The following MACO1 variants were observed in gnomAD, a reference collection of about 807,000 sequenced individuals.
MACO1 encodes macoilin.
Under a neutral mutation model 78.7 loss-of-function variants are expected in MACO1, and 14 were observed. The ratio of observed to expected loss-of-function variants is 0.18; its 90% CI spans 0.12 to 0.28. The LOEUF (loss-of-function observed/expected upper bound fraction) is 0.28, where lower values mean the gene tolerates loss of function less well. Ranked by LOEUF, MACO1 falls within the 10% of genes least tolerant of loss-of-function variation. The pLI is 1.00. For synonymous variants in MACO1, 288 were observed against 291.6 expected (o/e 0.99, Z 0.12); for missense variants, 501 against 799.0 (o/e 0.63, Z 4.50).
rs1557675373 is a variant in MACO1 at position 25,485,626 on chromosome 1, G to A, written c.1327G>A (p.Val443Met). The A allele has an allele frequency of 3.7e-6, 6 of 1,613,888 alleles. No homozygotes were observed. Among genetic ancestry groups the A allele is most frequent in the Non-Finnish European group, 4.2e-6 (5 of 1,179,974 alleles). The change falls in exon 8 of 11, where the codon GTG (valine) becomes ATG (methionine). Residue 443 changes from valine to methionine, a missense_variant. Transcript: ENST00000374343. The surrounding 1 kb of genome is among the most constrained non-coding windows in gnomAD (Gnocchi z 4.3). ...ELLQNKLHNAVQMKQKDKQNI... is the reference protein window; with the variant it reads ...ELLQNKLHNAMQMKQKDKQNI... ...ATTTCCATATAGGTTACATAATGCT[G>A]TGCAAATGAAGCAAAAAGACAAGCA... is the stretch of plus-strand genomic sequence containing the variant.
At chr1:25,494,365 T>C (rs1168666103) in intron 10 of MACO1, among the ~76,000 whole-genome samples, 1 of 151,994 alleles carries the variant, frequency 6.6e-6, no homozygotes, top group Non-Finnish European at 1.5e-5. Context: ...GGGAAAAACA[T>C]GTTGCCTGAG....
chr1:25,488,581 C>T (rs1444854568), intron 8 of MACO1, among the ~76,000 whole-genome samples: 3 of 151,922 alleles, frequency 2.0e-5, no homozygotes, highest in African/African-American at 7.3e-5. Flanking sequence ...GCAGCCTCTG[C>T]CTCCCAGGTA....
chr1:25,449,190 T>A (rs186433050), intron 3 of MACO1, among the ~76,000 whole-genome samples: 224 of 151,006 alleles, frequency 1.5e-3, no homozygotes, highest in African/African-American at 4.9e-3. Flanking sequence ...TATATCTTTT[T>A]AAAAAAAAAA....
At chr1:25,496,712 A>G (rs1407079050) in intron 10 of MACO1, among the ~76,000 whole-genome samples, 1 of 151,326 alleles carries the variant, frequency 6.6e-6, no homozygotes, top group Non-Finnish European at 1.5e-5. Context: ...AAAAAAAAAA[A>G]GGGTAGACAC....
At chr1:25,450,946 A>T (rs2043059793) in intron 3 of MACO1, among the ~76,000 whole-genome samples, 1 of 152,186 alleles carries the variant, frequency 6.6e-6, no homozygotes, top group South Asian at 2.1e-4. Flanking sequence ...GATTTCTTAA[A>T]TTTCTTTAGT....
rs2043203966 is a variant in MACO1, at chr1:25,464,858, A to G, written c.1154+5966A>G. Among the ~76,000 whole-genome samples the G allele has an allele frequency of 2.0e-5, 3 of 151,244 alleles. No individual in the cohort carries two copies. The South Asian group carries it at 6.3e-4, about 32-fold the overall frequency. On this transcript the variant is annotated intron_variant, in intron 6 of 10. Transcript: ENST00000374343. The stretch of plus-strand genomic sequence containing the variant: ...TTTTTAGTAGAGACGGTTTTTTAGT[A>G]GAGATGGGGTTTCACCATGTTAACC...
At chr1:25,457,464 A>C (rs746026244) in intron 5 of MACO1, among the ~76,000 whole-genome samples, 1 of 152,186 alleles carries the variant, frequency 6.6e-6, no homozygotes, top group African/African-American at 2.4e-5. Context: ...CTATGGAACT[A>C]TGTGAACTGG....
chr1:25,493,657 G>GA (rs1425188897), intron 10 of MACO1, among the ~76,000 whole-genome samples: 9 of 149,108 alleles, frequency 6.0e-5, no homozygotes, highest in African/African-American at 2.0e-4. Context: ...AAAAATTCCT[G>GA]AAAAAAGTGG....
intron 6 of MACO1, among the ~76,000 whole-genome samples, chr1:25,463,515 C>T (rs919445166): frequency 6.6e-6 from 1 of 152,132 alleles, no homozygotes; most frequent in Non-Finnish European, 1.5e-5. Flanking sequence ...TAAAAACAGA[C>T]TTAATGTTGG....
chr1:25,474,490 C>T (rs183511144), intron 6 of MACO1, among the ~76,000 whole-genome samples: 81 of 152,128 alleles, frequency 5.3e-4, no homozygotes, highest in Non-Finnish European at 1.1e-3. Context: ...TTTGCTTTTT[C>T]TTCTTCAGTC....
In MACO1 at chr1:25,470,912, C is replaced by T. The variant is rs181225236; in HGVS notation, c.1154+12020C>T. 2.0e-3 allele frequency among the ~76,000 whole-genome samples: 298 copies of T among 152,146 alleles called. 2 individuals carry two copies. Among genetic ancestry groups the T allele is most frequent in the African/African-American group, 6.9e-3 (287 of 41,482 alleles). ...GCGTGGTGGCATGTGCCTGTAGTCC[C>T]AGCTACTCAGGAGGCTGAGGCACGA... On this transcript the variant is annotated intron_variant, in intron 6 of 10. Transcript: ENST00000374343.
chr1:25,447,737 AC>A (rs2043028699), intron 2 of MACO1, among the ~76,000 whole-genome samples: 1 of 152,184 alleles, frequency 6.6e-6, no homozygotes, highest in African/African-American at 2.4e-5. Flanking sequence ...AATAGTTTTA[AC>A]CTCAAAGAGC....
intron 2 of MACO1, among the ~76,000 whole-genome samples, chr1:25,447,149 C>T (rs2043023123): frequency 6.6e-6 from 1 of 152,048 alleles, no homozygotes; most frequent in African/African-American, 2.4e-5. Context: ...GGGCGGCAAC[C>T]TAGTCTGGGG....
intron 4 of MACO1, among the ~76,000 whole-genome samples, 154 bp downstream of exon 4, chr1:25,454,536 T>C (rs2043102416): frequency 1.4e-5 from 2 of 146,770 alleles, no homozygotes; most frequent in Admixed American, 6.9e-5. Context: ...CAGGCTGGAA[T>C]GCAGTGGCAC....
rs1302890427 is a variant in MACO1, at chr1:25,499,366, G to A, written c.*900G>A. ...GTTTTGCACTTGCCTCCAGTAAAGT[G>A]CCCTGGGAAGGGAGCTGGGCAGTGT... On this transcript the variant is annotated 3_prime_UTR_variant, in exon 11 of 11. Coordinates refer to ENST00000374343, the MANE Select transcript of MACO1 (RefSeq NM_018202.6). 3 of 151,786 alleles carry A rather than the reference G, an allele frequency of 2.0e-5. No homozygotes were observed. Among genetic ancestry groups the A allele is most frequent in the South Asian group, 4.2e-4 (2 of 4,804 alleles). The allele number at this position is 151,786 out of a possible 1,614,324, so 9.4% of individuals were successfully genotyped here.
chr1:25,475,068 G>A (rs924185899), intron 6 of MACO1, among the ~76,000 whole-genome samples: 14 of 152,198 alleles, frequency 9.2e-5, no homozygotes, highest in African/African-American at 1.9e-4. Context: ...ATTCTCGGCC[G>A]GGCACTTGGC....
Position 25,431,136 on chromosome 1 carries a change from G to A in MACO1, c.38G>A (p.Arg13His). ...AACGCCGACTGCAGTAAGCTCCGCC[G>A]CCCCCTAAAGCGGAACCGGATCACC... ...RRNADCSKLR[R>H]PLKRNRITEG... Residue 13 changes from arginine to histidine, a missense_variant, in exon 1 of 11, where the codon CGC (arginine) becomes CAC (histidine). By Grantham distance (29) the Arg-to-His change is conservative. Coordinates refer to ENST00000374343, the MANE Select transcript of MACO1 (RefSeq NM_018202.6). The A allele has an allele frequency of 6.3e-7, 1 of 1,597,858 alleles. No homozygotes were observed. Among genetic ancestry groups the A allele is most frequent in the Non-Finnish European group, 8.5e-7 (1 of 1,174,436 alleles).
chr1:25,479,655 C>T (rs1012614050), intron 6 of MACO1, among the ~76,000 whole-genome samples: 3 of 152,152 alleles, frequency 2.0e-5, no homozygotes, highest in South Asian at 2.1e-4. Flanking sequence ...ATGATCTGCC[C>T]GCCTCAGCTT....
Position 25,485,455 on chromosome 1 carries a change from CAG to C in MACO1, c.1314-157_1314-156del, listed in dbSNP as rs1343043401. On this transcript the variant is annotated intron_variant, in intron 7 of 10. Transcript: ENST00000374343. This position sits in a 1 kb window ranked among gnomAD's most constrained non-coding sequence, Gnocchi z 4.3. The stretch of plus-strand genomic sequence containing the variant: ...GTGTTTAGGAATTATTAAAGAATAA[CAG>C]TGTGTTTTCCTCAGGCATTCTGGGC... Among the ~76,000 whole-genome samples, 7 of 152,176 alleles carry C rather than the reference CAG, an allele frequency of 4.6e-5. No homozygotes were observed. The highest frequency in any genetic ancestry group is 1.0e-4 in the Non-Finnish European group (7 of 68,024).
Sources: gnomAD v4.1 joint callset for allele counts (sites outside exome capture counted in the v4.1 genomes callset) on GRCh38, gnomAD v4.1.1 for gene constraint, Gnocchi (gnomAD v3.1) non-coding constraint, MANE v1.5 for transcripts, NCBI Gene and HGNC (gene_info 2026-07-23, HGNC 2026-07-21) for gene names.